Variants in HIVEP1 observed in about 807,000 individuals in gnomAD.
HIVEP1 encodes HIVEP zinc finger 1, also known as zinc finger protein 40.
A neutral mutation model predicts 180.0 loss-of-function variants in HIVEP1; 36 were observed. The ratio of observed to expected loss-of-function variants is 0.20; its 90% CI spans 0.15 to 0.26. The LOEUF is 0.26. Among genes scored for constraint, HIVEP1 ranks in the 10% least tolerant of loss-of-function variants. The pLI is 1.00. For missense variants in HIVEP1, 3,143 were observed against 3,268.7 expected, an observed-to-expected ratio of 0.96 and a Z score of 0.94; for synonymous variants, 1,239 against 1,239.0, an observed-to-expected ratio of 1.00 and a Z score of 0.00.
chr6:12,120,318 G>C lies in HIVEP1; in HGVS notation c.523G>C (p.Asp175His). 1 of 1,614,192 alleles carries C rather than the reference G, an allele frequency of 6.2e-7. No individual in the cohort carries two copies. Among genetic ancestry groups the C allele is most frequent in the Non-Finnish European group, 8.5e-7 (1 of 1,180,024 alleles). The change falls in exon 4 of 9, where the codon GAC becomes CAC. Residue 175 changes from aspartate to histidine, a missense_variant. Asp to His is a moderately conservative substitution (Grantham distance 81, BLOSUM62 -1). Transcript: ENST00000379388. ...SSSLSSKTRT[D>H]NSECISSHCG... ...TTCCTTGTCAAGTAAAACCAGGACT[G>C]ACAATAGCGAATGCATCTCTTCTCA...
intron 2 of HIVEP1, among the ~76,000 whole-genome samples, chr6:12,065,669 TTGTGTGTGTGTGTGTGTGTGTGCGTGTG>T (rs1241286785): frequency 7.0e-6 from 1 of 143,214 alleles, no homozygotes; most frequent in East Asian, 2.0e-4. Context: ...CAGGTAGGTT[TTGTGTGTGTGTGTGTGTGTGTGCGTGTG>T]TGTGTGTGTG....
the HIVEP1 span, among the ~76,000 whole-genome samples, chr6:12,191,586 C>CT: frequency 3.3e-5 from 5 of 151,738 alleles, no homozygotes; most frequent in Non-Finnish European, 5.9e-5. Context: ...GAGTGAGACT[C>CT]TGTCTAAAAA....
chr6:12,151,149 G>A (rs1013424351), intron 7 of HIVEP1, among the ~76,000 whole-genome samples: 9 of 152,176 alleles, frequency 5.9e-5, no homozygotes, highest in African/African-American at 2.2e-4. Flanking sequence ...TGACAAAAAT[G>A]TTGCTACATC....
chr6:12,147,970 T>C (rs1759471781), intron 7 of HIVEP1, among the ~76,000 whole-genome samples: 7 of 152,222 alleles, frequency 4.6e-5, no homozygotes, highest in Admixed American at 4.6e-4. Flanking sequence ...GTACTTGTCC[T>C]ACTTTAACGC....
At position 12,125,023 on chromosome 6, in the gene HIVEP1, C is replaced by T. The variant is rs1757970050; in HGVS notation, c.5228C>T (p.Ser1743Leu). Residue 1743 changes from serine (S) to leucine (L), a missense_variant, in exon 4 of 9, where the codon TCG (serine) becomes TTG (leucine). Ser to Leu is a moderately radical substitution (Grantham distance 145). Coordinates refer to ENST00000379388, the MANE Select transcript of HIVEP1 (RefSeq NM_002114.4). The stretch of plus-strand genomic sequence containing the variant: ...TCCCCTCAACAAGAATCTTCAGCTT[C>T]GAGTAAAAGGATGCTTTCCCCAGCA... ...RLSPQQESSA[S>L]SKRMLSPANS... is the part of the protein sequence containing the mutation. 5 of 1,614,100 alleles carry T rather than the reference C, an allele frequency of 3.1e-6. No homozygotes were observed. The highest frequency in any genetic ancestry group is 3.4e-6 in the Non-Finnish European group (4 of 1,180,020).
chr6:12,110,036 C>T (rs1774784309), intron 3 of HIVEP1, among the ~76,000 whole-genome samples: 1 of 152,212 alleles, frequency 6.6e-6, no homozygotes, highest in African/African-American at 2.4e-5. Flanking sequence ...AAGGTTTATT[C>T]AATGAGCAGT....
intron 2 of HIVEP1, among the ~76,000 whole-genome samples, chr6:12,053,845 A>G (rs181776179): frequency 8.5e-5 from 13 of 152,370 alleles, no homozygotes; most frequent in African/African-American, 2.9e-4. Flanking sequence ...CTTTTCCAGA[A>G]TAAATAGGAT....
intron 7 of HIVEP1, among the ~76,000 whole-genome samples, chr6:12,150,824 A>T (rs1368135389): frequency 6.6e-6 from 1 of 152,090 alleles, no homozygotes; most frequent in Non-Finnish European, 1.5e-5. Context: ...CTTTAAAAAA[A>T]TTTTTTCCCT....
the HIVEP1 span, among the ~76,000 whole-genome samples, chr6:12,193,370 T>G: frequency 1.3e-5 from 2 of 152,204 alleles, no homozygotes; most frequent in Admixed American, 1.3e-4. Flanking sequence ...CTAGGATAAA[T>G]TCCATGAAGG....
At chr6:12,200,690 G>C in the HIVEP1 span, among the ~76,000 whole-genome samples, 1 of 152,218 alleles carries the variant, frequency 6.6e-6, no homozygotes, top group Non-Finnish European at 1.5e-5. Flanking sequence ...ATGCTTCTTA[G>C]ACTTTCCACC....
At chr6:12,209,975 G>A in the HIVEP1 span, among the ~76,000 whole-genome samples, 41 of 152,226 alleles carry the variant, frequency 2.7e-4, no homozygotes, top group African/African-American at 7.5e-4. Flanking sequence ...TATATAGCCG[G>A]GTGTAGTGGT....
chr6:12,139,079 A>G (rs878921061), intron 7 of HIVEP1, among the ~76,000 whole-genome samples: 4 of 151,864 alleles, frequency 2.6e-5, no homozygotes, highest in East Asian at 3.9e-4. Flanking sequence ...TTTACAGACT[A>G]TCTTCCACAT....
chr6:12,131,316 G>A (rs1485775039), intron 6 of HIVEP1, among the ~76,000 whole-genome samples: 1 of 151,930 alleles, frequency 6.6e-6, no homozygotes, highest in Non-Finnish European at 1.5e-5. Context: ...TTCGCTGGGT[G>A]CTAAAAGATT....
intron 2 of HIVEP1, among the ~76,000 whole-genome samples, chr6:12,025,957 T>C (rs1768557439): frequency 6.6e-6 from 1 of 152,086 alleles, no homozygotes. Context: ...GGAGAATCGC[T>C]TGAGCCTGGG....
At chr6:12,157,315 A>G (rs1025254816) in intron 7 of HIVEP1, among the ~76,000 whole-genome samples, 1 of 151,886 alleles carries the variant, frequency 6.6e-6, no homozygotes, top group African/African-American at 2.4e-5. Flanking sequence ...TTTTAATGTT[A>G]TTATTTGTGT....
intron 3 of HIVEP1, among the ~76,000 whole-genome samples, chr6:12,091,351 A>T (rs1176850476): frequency 6.6e-6 from 1 of 152,122 alleles, no homozygotes; most frequent in South Asian, 2.1e-4. Flanking sequence ...GCTTTTTAAA[A>T]AAATTATTTT....
intron 2 of HIVEP1, among the ~76,000 whole-genome samples, chr6:12,025,603 G>T (rs899561031): frequency 2.0e-5 from 3 of 152,238 alleles, no homozygotes; most frequent in African/African-American, 7.2e-5. Context: ...GGAAACTAAC[G>T]TGAAAACATT....
rs758125251 is a variant in HIVEP1, at chr6:12,164,096, G to A, written c.7792G>A (p.Glu2598Lys). The A allele has an allele frequency of 4.5e-5, 72 of 1,614,044 alleles. No homozygotes were observed. Among genetic ancestry groups the A allele is most frequent in the Non-Finnish European group, 5.8e-5 (68 of 1,180,038 alleles). The change falls in exon 9 of 9, where the codon GAG becomes AAG. Residue 2598 changes from glutamate (E) to lysine (K), a missense_variant. Around this residue, in one of 12 missense-constraint regions of HIVEP1, gnomAD observed 595 missense variants for 602.2 expected, o/e 0.99. Coordinates refer to ENST00000379388, the MANE Select transcript of HIVEP1 (RefSeq NM_002114.4). ...CAGCGCAAACCAGGTCAGCAGGACC[G>A]AGTCTCCTCAGGGGTTACCTACAGT... ...VASANQVSRT[E>K]SPQGLPTVQR...
At chr6:12,071,364 G>T (rs920924512) in intron 2 of HIVEP1, among the ~76,000 whole-genome samples, 1 of 152,136 alleles carries the variant, frequency 6.6e-6, no homozygotes, top group Non-Finnish European at 1.5e-5. Context: ...GAGAGACTCT[G>T]ATCGCTCTCC....
Sources: gnomAD v4.1 joint callset for allele counts (sites outside exome capture counted in the v4.1 genomes callset) on GRCh38, gnomAD v4.1.1 for gene constraint, gnomAD v4.1.1 regional missense constraint, MANE v1.5 for transcripts, NCBI Gene and HGNC (gene_info 2026-07-23, HGNC 2026-07-21) for gene names.